Variants in ACAD11 observed in about 807,000 individuals in gnomAD.
ACAD11 encodes acyl-Coenzyme A dehydrogenase family, member 11.
ACAD11 carries 83 observed loss-of-function variants against 102.2 expected under a neutral mutation model. That is an observed-to-expected ratio of 0.81 (90% confidence interval 0.68 to 0.97). ACAD11 has a LOEUF of 0.97. Among genes scored for constraint, ACAD11 ranks in the 50% least tolerant of loss-of-function variants. The pLI, the probability that ACAD11 is intolerant of heterozygous loss-of-function variation, is 0.00. For synonymous variants in ACAD11, 324 were observed against 319.8 expected (o/e 1.01, Z -0.14); for missense variants, 901 against 951.7 (o/e 0.95, Z 0.70).
intron 1 of ACAD11, among the ~76,000 whole-genome samples, chr3:132,658,859 T>C (rs753148999): frequency 7.2e-5 from 11 of 152,206 alleles, no homozygotes; most frequent in Non-Finnish European, 1.2e-4. Flanking sequence ...ATAAGACTAA[T>C]CAAAATAGGT....
At chr3:132,574,726 CT>C (rs1576551748) in intron 17 of ACAD11, among the ~76,000 whole-genome samples, 1 of 152,174 alleles carries the variant, frequency 6.6e-6, no homozygotes, top group African/African-American at 2.4e-5. Flanking sequence ...TTTTTCTTGC[CT>C]TCTTAAAACT....
Position 132,642,659 on chromosome 3 carries a change from G to C in ACAD11, c.375+18C>G. On this transcript the variant is annotated intron_variant, in intron 3 of 19. Transcript: ENST00000264990. Reference sequence around the variant, plus strand: ...ATTAAAAGTAAAAGCAACAAAATAAGATTAAGTGTTAATTTACCTGCACAT... The same window carrying C: ...ATTAAAAGTAAAAGCAACAAAATAACATTAAGTGTTAATTTACCTGCACAT... 1 of 1,581,560 alleles carries C rather than the reference G, an allele frequency of 6.3e-7. No homozygotes were observed. Among genetic ancestry groups the C allele is most frequent in the Middle Eastern group, 1.7e-4 (1 of 5,924 alleles).
At chr3:132,611,343 T>A (rs969656567) in intron 11 of ACAD11, among the ~76,000 whole-genome samples, 3 of 152,014 alleles carry the variant, frequency 2.0e-5, no homozygotes, top group African/African-American at 7.2e-5. Context: ...TCACCACTCC[T>A]ATTCAACACA....
chr3:132,617,405 C>G (rs1443409369), intron 11 of ACAD11, among the ~76,000 whole-genome samples: 1 of 152,120 alleles, frequency 6.6e-6, no homozygotes, highest in Non-Finnish European at 1.5e-5. Flanking sequence ...TGGCCTCCTT[C>G]CTTCATCTTT....
chr3:132,595,315 A>G (rs761856484), intron 13 of ACAD11, among the ~76,000 whole-genome samples: 1 of 152,206 alleles, frequency 6.6e-6, no homozygotes, highest in Non-Finnish European at 1.5e-5. Context: ...GTATGGCAGA[A>G]CAAGTAGGCA....
Position 132,563,627 on chromosome 3 carries a change from G to C in ACAD11, c.2002-2410C>G, listed in dbSNP as rs1411819217. Among the ~76,000 whole-genome samples, 4 of 152,216 alleles carry C rather than the reference G, an allele frequency of 2.6e-5. No individual in the cohort carries two copies. In the East Asian group the frequency reaches 7.7e-4, roughly 29 times the overall value. ...TTGTTACGTACTGACCTTGTATCCT[G>C]TGACTTTGCTAAACTCACTTATTAG... is the stretch of plus-strand genomic sequence containing the variant. On this transcript the variant is annotated intron_variant, in intron 17 of 19. Coordinates refer to ENST00000264990, the MANE Select transcript of ACAD11 (RefSeq NM_032169.5).
intron 13 of ACAD11, among the ~76,000 whole-genome samples, chr3:132,585,364 C>A (rs547415754): frequency 7.9e-5 from 12 of 152,178 alleles, no homozygotes; most frequent in South Asian, 6.2e-4. Flanking sequence ...TAAAGACTTA[C>A]GTGTTAGACC....
chr3:132,632,945 A>G (rs1441343324), intron 5 of ACAD11, among the ~76,000 whole-genome samples: 1 of 152,228 alleles, frequency 6.6e-6, no homozygotes, highest in Non-Finnish European at 1.5e-5. Context: ...ACTTTGCTGA[A>G]GTTGCTTATC....
intron 18 of ACAD11, among the ~76,000 whole-genome samples, chr3:132,560,751 C>T (rs892630629): frequency 3.9e-5 from 6 of 152,112 alleles, no homozygotes; most frequent in African/African-American, 1.2e-4. Context: ...TTCACAACAA[C>T]CCTAGGCCTT....
intron 1 of ACAD11, among the ~76,000 whole-genome samples, chr3:132,647,682 G>C (rs185638025): frequency 6.6e-6 from 1 of 152,318 alleles, no homozygotes; most frequent in East Asian, 1.9e-4. Flanking sequence ...GAGGGAATGA[G>C]ATCAGGAAAT....
intron 8 of ACAD11, 184 bp from the exon 9 acceptor site, chr3:132,627,001 T>G (rs2107859730): frequency 1.9e-6 from 1 of 539,608 alleles, no homozygotes; most frequent in Admixed American, 3.4e-5. Flanking sequence ...ACTTCCATTT[T>G]AAACATTTAA....
intron 2 of ACAD11, among the ~76,000 whole-genome samples, chr3:132,644,307 A>G (rs181028021): frequency 2.8e-4 from 42 of 152,370 alleles, no homozygotes; most frequent in African/African-American, 9.9e-4. Flanking sequence ...CCTAGTTTTC[A>G]ACAAAAATCT....
chr3:132,641,698 G>GAAGAAGAAGAAGAA (rs1940525618), intron 4 of ACAD11, among the ~76,000 whole-genome samples: 18 of 116,698 alleles, frequency 1.5e-4, no homozygotes, highest in African/African-American at 6.2e-4. Flanking sequence ...AAGAGGAAGA[G>GAAGAAGAAGAAGAA]GAAGAAGAAG....
At chr3:132,634,065 A>G (rs1559969729) in intron 5 of ACAD11, among the ~76,000 whole-genome samples, 1 of 152,224 alleles carries the variant, frequency 6.6e-6, no homozygotes, top group African/African-American at 2.4e-5. Context: ...ATAGGATCTA[A>G]TTAAACTAAA....
At chr3:132,584,180 T>C (rs1937693357) in intron 13 of ACAD11, among the ~76,000 whole-genome samples, 1 of 152,180 alleles carries the variant, frequency 6.6e-6, no homozygotes, top group South Asian at 2.1e-4. Context: ...CCCATTATTA[T>C]TGTGTGGGAG....
rs764015856 is a variant in ACAD11 at position 132,559,913 on chromosome 3, C to A, written c.2148G>T (p.Arg716=). The change falls in exon 19 of 20, where the codon CGG becomes CGT. Residue 716 remains arginine, a synonymous_variant. Coordinates refer to ENST00000264990, the MANE Select transcript of ACAD11 (RefSeq NM_032169.5). ...EIAMIKVAAP[R]AVSKIVDWAI... Reference sequence around the variant, plus strand: ...CCCAGTCAACGATTTTGCTGACAGCCCGTGGGGCAGCCACTTTGATCATTG... The same window carrying A: ...CCCAGTCAACGATTTTGCTGACAGCACGTGGGGCAGCCACTTTGATCATTG... The A allele has an allele frequency of 1.2e-6, 2 of 1,613,310 alleles. No homozygotes were observed. Among genetic ancestry groups the A allele is most frequent in the Non-Finnish European group, 1.7e-6 (2 of 1,179,608 alleles).
At chr3:132,614,366 A>G (rs930920954) in intron 11 of ACAD11, among the ~76,000 whole-genome samples, 1 of 152,364 alleles carries the variant, frequency 6.6e-6, no homozygotes. Context: ...CATATAGTCA[A>G]GACAATCCTA....
intron 1 of ACAD11, among the ~76,000 whole-genome samples, chr3:132,645,441 A>G (rs563928293): frequency 6.6e-6 from 1 of 152,274 alleles, no homozygotes; most frequent in Non-Finnish European, 1.5e-5. Flanking sequence ...TGCTGGCCCA[A>G]CTAACTCACA....
At chr3:132,575,305 A>G (rs897111627) in intron 17 of ACAD11, among the ~76,000 whole-genome samples, 2 of 152,236 alleles carry the variant, frequency 1.3e-5, no homozygotes, top group Admixed American at 1.3e-4. Flanking sequence ...CTCCAGTGAC[A>G]GAATTCAAGT....
Sources: gnomAD v4.1 joint callset for allele counts (sites outside exome capture counted in the v4.1 genomes callset) on GRCh38, gnomAD v4.1.1 for gene constraint, MANE v1.5 for transcripts, NCBI Gene and HGNC (gene_info 2026-07-23, HGNC 2026-07-21) for gene names.